STAMBPL1: variants seen among roughly 807,000 people sequenced by gnomAD.
STAMBPL1 encodes the protein STAM binding protein like 1.
In STAMBPL1, 44 loss-of-function variants were observed where a neutral mutation model predicts 52.9. The observed-to-expected ratio is 0.83, with a 90% CI of 0.65 to 1.07. STAMBPL1 has a LOEUF of 1.07. Among genes scored for constraint, STAMBPL1 ranks in the 50% least tolerant of loss-of-function variants. The pLI is 0.00. For missense variants in STAMBPL1, 511 were observed against 520.8 expected, an observed-to-expected ratio of 0.98 and a Z score of 0.18; for synonymous variants, 164 against 177.3, an observed-to-expected ratio of 0.92 and a Z score of 0.60.
At position 88,911,021 on chromosome 10, in the gene STAMBPL1, G is replaced by T. The variant is rs1236342228; in HGVS notation, c.420+10G>T. ...ATATTTGCAAAGCAAAGTAAGTTCA[G>T]TTGGTACATTTATTTCATGACTATT... On this transcript the variant is annotated intron_variant, in intron 5 of 10. Transcript: ENST00000371926. 13 of 1,506,958 alleles carry T rather than the reference G, an allele frequency of 8.6e-6. No homozygotes were observed. The East Asian group carries it at 3.0e-4, about 35-fold the overall frequency. 93.3% of individuals were successfully genotyped at this position (1,506,958 alleles called of 1,614,324 possible).
chr10:88,907,255 C>A (rs142009973), intron 3 of STAMBPL1, among the ~76,000 whole-genome samples: 518 of 152,196 alleles, frequency 3.4e-3, no homozygotes, highest in African/African-American at 0.012. Flanking sequence ...CTACCGAGGG[C>A]AAAATTAAAG....
At position 88,897,667 on chromosome 10, in the gene STAMBPL1, AC is replaced by A. The variant is rs1172731443; in HGVS notation, c.-53-3988del. Among the ~76,000 whole-genome samples, 7 of 152,288 alleles carry A rather than the reference AC, an allele frequency of 4.6e-5. No homozygotes were observed. The East Asian group carries it at 1.4e-3, about 29-fold the overall frequency. On this transcript the variant is annotated intron_variant, in intron 1 of 10. Coordinates refer to ENST00000371926, the MANE Select transcript of STAMBPL1 (RefSeq NM_020799.4). ...CTAAAAGCAGCGAAGTGTGGCTGTG[AC>A]AAGCGCCCTGCCGAATGAGTAAAGT... is the stretch of plus-strand genomic sequence containing the variant.
At chr10:88,917,753 T>G (rs1338259880) in intron 8 of STAMBPL1, among the ~76,000 whole-genome samples, 28 of 152,170 alleles carry the variant, frequency 1.8e-4, no homozygotes, top group Admixed American at 1.8e-3. Flanking sequence ...GGTGTGTTTT[T>G]GCTGCTATAA....
At chr10:88,908,681 G>T in intron 3 of STAMBPL1, 21 bp from the exon 4 acceptor site, 1 of 1,600,430 alleles carries the variant, frequency 6.2e-7, no homozygotes, top group Non-Finnish European at 8.5e-7. Flanking sequence ...TAATGCTAAG[G>T]ACATGTTTTC....
chr10:88,901,479 C>T (rs541860269), intron 1 of STAMBPL1, 177 bp from the exon 2 acceptor site: 1 of 389,290 alleles, frequency 2.6e-6, no homozygotes, highest in Non-Finnish European at 4.6e-6. Context: ...AAACTATAAC[C>T]ACTTGCAGTT....
At chr10:88,905,752 C>A in intron 3 of STAMBPL1, 92 bp downstream of exon 3, 2 of 980,936 alleles carry the variant, frequency 2.0e-6, no homozygotes, top group Non-Finnish European at 3.0e-6. Context: ...GTAATGTTTT[C>A]ATATTCAGAC....
intron 6 of STAMBPL1, among the ~76,000 whole-genome samples, chr10:88,914,274 A>G (rs943302153): frequency 6.6e-6 from 1 of 152,184 alleles, no homozygotes; most frequent in African/African-American, 2.4e-5. Flanking sequence ...ATAACATGTA[A>G]ATAGTTAACC....
intron 1 of STAMBPL1, among the ~76,000 whole-genome samples, chr10:88,890,976 C>T (rs930379789): frequency 6.6e-6 from 1 of 152,108 alleles, no homozygotes; most frequent in Non-Finnish European, 1.5e-5. Context: ...TACTAAGTGC[C>T]TCGTTTGGGC....
intron 1 of STAMBPL1, among the ~76,000 whole-genome samples, chr10:88,887,312 T>C (rs1844561418): frequency 1.3e-5 from 2 of 152,096 alleles, no homozygotes; most frequent in South Asian, 4.1e-4. Flanking sequence ...TTTCAATTCA[T>C]GAAAAATTTA....
At chr10:88,916,489 T>C (rs17096285) in intron 7 of STAMBPL1, among the ~76,000 whole-genome samples, 191 bp from the exon 8 acceptor site, 6,194 of 148,974 alleles carry the variant, frequency 0.042, 246 homozygotes, top group African/African-American at 0.095. Context: ...CCATTTTTAC[T>C]GTTGGGACTT....
chr10:88,921,549 T>C (rs2133220808), intron 9 of STAMBPL1, among the ~76,000 whole-genome samples, 154 bp downstream of exon 9: 1 of 152,324 alleles, frequency 6.6e-6, no homozygotes, highest in African/African-American at 2.4e-5. Context: ...CATAGACCTA[T>C]AGCTCTGCAG....
chr10:88,909,502 CT>C (rs1845162100), intron 4 of STAMBPL1, among the ~76,000 whole-genome samples: 1 of 152,124 alleles, frequency 6.6e-6, no homozygotes, highest in Non-Finnish European at 1.5e-5. Context: ...TTGAAAAACA[CT>C]TTACCAAATA....
chr10:88,911,061 T>C (rs780390305), intron 5 of STAMBPL1, 50 bp downstream of exon 5: 1 of 1,234,824 alleles, frequency 8.1e-7, no homozygotes, highest in South Asian at 1.5e-5. Context: ...GTACAAGTAT[T>C]TTTTGAATTT....
Position 88,901,642 on chromosome 10 carries a change from T to C in STAMBPL1, c.-53-14T>C. On this transcript the variant is annotated splice_polypyrimidine_tract_variant and intron_variant, in intron 1 of 10. Transcript: ENST00000371926. ...AAAAAATAACTTTAGTTCTGCTTCT[T>C]GTTTTTGAAACAGATGAAGTGATTG... is the stretch of plus-strand genomic sequence containing the variant. The C allele has an allele frequency of 6.5e-7, 1 of 1,544,386 alleles. No homozygotes were observed. The highest frequency in any genetic ancestry group is 8.8e-7 in the Non-Finnish European group (1 of 1,135,562).
chr10:88,901,039 T>C (rs1479312039), intron 1 of STAMBPL1: 1 of 152,256 alleles, frequency 6.6e-6, no homozygotes, highest in Non-Finnish European at 1.5e-5. Context: ...TTTAATTAGC[T>C]TAACATTATT....
intron 1 of STAMBPL1, among the ~76,000 whole-genome samples, chr10:88,890,436 G>A (rs1431734970): frequency 6.6e-6 from 1 of 152,228 alleles, no homozygotes; most frequent in Non-Finnish European, 1.5e-5. Context: ...GCAGAGAAAA[G>A]GGTGGGGTGT....
chr10:88,921,484 G>C, intron 9 of STAMBPL1, 89 bp downstream of exon 9: 2 of 1,028,176 alleles, frequency 1.9e-6, no homozygotes, highest in Non-Finnish European at 3.0e-6. Context: ...TGTGGTACTT[G>C]GATTGGCAAG....
rs112494423 is a variant in STAMBPL1, at chr10:88,909,396, C to A, written c.324+619C>A. Among the ~76,000 whole-genome samples the A allele has an allele frequency of 8.6e-3, 1,301 of 152,040 alleles. 15 individuals are homozygous for A. Among genetic ancestry groups the A allele is most frequent in the South Asian group, 0.042 (204 of 4,816 alleles). On this transcript the variant is annotated intron_variant, in intron 4 of 10. Transcript: ENST00000371926. ...TTAAATAAACATTTACAATGTTTCC[C>A]ATTTATTTGTCTTTAATAGTTTGTG...
chr10:88,885,472 C>A (rs1454252230), intron 1 of STAMBPL1, among the ~76,000 whole-genome samples: 1 of 152,174 alleles, frequency 6.6e-6, no homozygotes, highest in Non-Finnish European at 1.5e-5. Flanking sequence ...TTTACCCTAA[C>A]ACAGTTGGCA....
Sources: gnomAD v4.1 joint callset for allele counts (sites outside exome capture counted in the v4.1 genomes callset) on GRCh38, gnomAD v4.1.1 for gene constraint, MANE v1.5 for transcripts, NCBI Gene and HGNC (gene_info 2026-07-23, HGNC 2026-07-21) for gene names.